NFIC: variants seen among roughly 807,000 people sequenced by gnomAD.
NFIC encodes the protein nuclear factor 1 C-type.
NFIC carries 12 observed loss-of-function variants against 54.4 expected under a neutral mutation model. That is an observed-to-expected ratio of 0.22 (90% CI 0.14 to 0.36). The LOEUF is 0.36. NFIC is among the 10% of genes least tolerant of loss of function. NFIC has a pLI of 1.00. For synonymous variants in NFIC, 322 were observed against 319.2 expected (o/e 1.01, Z -0.09); for missense variants, 575 against 718.2 (o/e 0.80, Z 2.28).
intron 2 of NFIC, among the ~76,000 whole-genome samples, chr19:3,394,528 C>CG (rs2081430619): frequency 1.4e-5 from 1 of 70,058 alleles, no homozygotes; most frequent in African/African-American, 5.7e-5. Context: ...CACCCACCCC[C>CG]CACCCGCTTA....
rs534358626 is a variant in NFIC, at chr19:3,399,549, C to G, written c.562+17306C>G. 5.3e-5 allele frequency among the ~76,000 whole-genome samples: 8 copies of G among 152,076 alleles called. No homozygotes were observed. In the South Asian group the frequency reaches 1.2e-3, roughly 24 times the overall value. On this transcript the variant is annotated intron_variant, in intron 2 of 10. Coordinates refer to ENST00000443272, the MANE Select transcript of NFIC (RefSeq NM_001245002.2). ...TGTGATTGGGCCACTGCACTCCAGC[C>G]TGGGTGACAGAGCAACACCCTGTCT...
Position 3,462,784 on chromosome 19 carries a change from C to T in NFIC, c.*15C>T, listed in dbSNP as rs1335087822. The T allele has an allele frequency of 4.3e-5, 69 of 1,613,794 alleles. No homozygotes were observed. Among genetic ancestry groups the T allele is most frequent in the Non-Finnish European group, 5.6e-5 (66 of 1,179,998 alleles). On this transcript the variant is annotated 3_prime_UTR_variant, in exon 11 of 11. Transcript: ENST00000443272. ...ATCTGGGATAGCAAAGGTCTTCTTCCCTCGCCCCTTCTCCATCGTCCCAGG... is the reference window on the plus strand; with the variant it reads ...ATCTGGGATAGCAAAGGTCTTCTTCTCTCGCCCCTTCTCCATCGTCCCAGG...
At chr19:3,363,255 A>AGCG, upstream of NFIC, among the ~76,000 whole-genome samples, 1 of 13,360 alleles carries the variant, frequency 7.5e-5, no homozygotes, top group Non-Finnish European at 1.4e-4. Context: ...ATATATATAT[A>AGCG]TATATATATA....
intron 10 of NFIC, 70 bp from the exon 11 acceptor site, chr19:3,462,682 G>T: frequency 6.5e-7 from 1 of 1,546,200 alleles, no homozygotes. Context: ...CATGTCTGCA[G>T]CAGAGTCTGA....
At chr19:3,406,354 A>G (rs1219877072) in intron 2 of NFIC, among the ~76,000 whole-genome samples, 4 of 125,564 alleles carry the variant, frequency 3.2e-5, no homozygotes, top group African/African-American at 1.2e-4. Context: ...TTGGCCTCCC[A>G]TAGTGCTGGG....
At chr19:3,367,477 TCCCCCTC>T (rs1568395858) in intron 1 of NFIC, among the ~76,000 whole-genome samples, 1 of 81,982 alleles carries the variant, frequency 1.2e-5, no homozygotes, top group Non-Finnish European at 3.8e-5. Context: ...CCCCGTCCCC[TCCCCCTC>T]CCCCTCCCCC....
Position 3,435,200 on chromosome 19 carries a change from G to A in NFIC, c.951G>A (p.Met317Ile). 1 of 1,600,974 alleles carries A rather than the reference G, an allele frequency of 6.2e-7. No individual in the cohort carries two copies. Among genetic ancestry groups the A allele is most frequent in the Non-Finnish European group, 8.5e-7 (1 of 1,172,946 alleles). ...GCAGCCGCAACTGGACGGAGGACAT[G>A]GAAGGAGGTAGGGCTGGTGGCGGGG... The part of the protein sequence containing the change: ...TSSSRNWTED[M>I]EGGISSPVKK... Residue 317 changes from methionine to isoleucine, a missense_variant, in exon 6 of 11, where the codon ATG becomes ATA. Met to Ile is a conservative substitution (Grantham distance 10). Transcript: ENST00000443272.
At chr19:3,420,684 A>G (rs1223771541) in intron 2 of NFIC, among the ~76,000 whole-genome samples, 1 of 151,920 alleles carries the variant, frequency 6.6e-6, no homozygotes, top group African/African-American at 2.4e-5. Flanking sequence ...AGCACTCACT[A>G]TGGCAGCCAT....
chr19:3,443,410 G>A (rs1176876726), intron 6 of NFIC, among the ~76,000 whole-genome samples: 2 of 151,230 alleles, frequency 1.3e-5, no homozygotes, highest in Admixed American at 1.3e-4. Context: ...GCAACAGCGT[G>A]AGACCCTATC....
Position 3,463,296 on chromosome 19 carries a change from G to T in NFIC, c.*527G>T. The T allele has an allele frequency of 1.0e-6, 1 of 988,814 alleles. No individual in the cohort carries two copies. Among genetic ancestry groups the T allele is most frequent in the Non-Finnish European group, 1.2e-6 (1 of 832,570 alleles). 61.3% of individuals were successfully genotyped at this position (988,814 alleles called of 1,614,324 possible). On this transcript the variant is annotated 3_prime_UTR_variant, in exon 11 of 11. Coordinates refer to ENST00000443272, the MANE Select transcript of NFIC (RefSeq NM_001245002.2). ...GGCCCCCGCGCCTCTGCCGGACACG[G>T]ACCGGCCCCTCAGCCCCCACCGAGG...
chr19:3,450,003 C>T (rs2082434738), intron 7 of NFIC, among the ~76,000 whole-genome samples: 1 of 150,660 alleles, frequency 6.6e-6, no homozygotes, highest in Admixed American at 6.6e-5. Flanking sequence ...TGCGGTGAGG[C>T]GAGTTCACGC....
intron 2 of NFIC, among the ~76,000 whole-genome samples, chr19:3,403,879 T>C (rs1182786220): frequency 1.4e-5 from 2 of 144,648 alleles, no homozygotes; most frequent in Admixed American, 6.9e-5. Context: ...TGGCAGAGAG[T>C]GTCCTCGGGC....
rs754404318 is a variant in NFIC, at chr19:3,429,134, T to TACACACACAC, written c.634+3958_634+3959insCACACACACA. Among the ~76,000 whole-genome samples, 511 of 67,184 alleles carry TACACACACAC rather than the reference T, an allele frequency of 7.6e-3. 37 individuals carry two copies. Among genetic ancestry groups the TACACACACAC allele is most frequent in the East Asian group, 0.038 (96 of 2,524 alleles). The allele number at this position is 67,184 out of a possible 152,430, so 44.1% of individuals were successfully genotyped here. A position where few individuals can be genotyped will look rare whatever the true frequency, so the allele number is the denominator to read the frequency against. On this transcript the variant is annotated intron_variant, in intron 3 of 10. Coordinates refer to ENST00000443272, the MANE Select transcript of NFIC (RefSeq NM_001245002.2). The stretch of plus-strand genomic sequence containing the variant: ...ACCCTATCTCTACCCAAAAAAAAAA[T>TACACACACAC]ATACACACACACACACACACACACA...
chr19:3,438,230 C>T (rs565129889), intron 6 of NFIC, among the ~76,000 whole-genome samples: 13 of 152,136 alleles, frequency 8.5e-5, no homozygotes, highest in East Asian at 1.9e-4. Flanking sequence ...CTTTTCTGCC[C>T]GGCTGCTCAC....
At chr19:3,379,953 A>G (rs2081173480) in intron 1 of NFIC, among the ~76,000 whole-genome samples, 1 of 151,898 alleles carries the variant, frequency 6.6e-6, no homozygotes, top group Non-Finnish European at 1.5e-5. Flanking sequence ...AAGTGCTGGG[A>G]TTACAGGTGT....
At chr19:3,437,261 A>AG (rs1245929500) in intron 6 of NFIC, among the ~76,000 whole-genome samples, 1 of 151,960 alleles carries the variant, frequency 6.6e-6, no homozygotes. Context: ...CCAGCTACTC[A>AG]GGAGGCTGAG....
intron 1 of NFIC, among the ~76,000 whole-genome samples, chr19:3,374,657 A>G (rs10413027): frequency 0.38 from 58,473 of 151,962 alleles, 12,591 homozygotes; most frequent in East Asian, 0.76. Flanking sequence ...AGGGGACACT[A>G]GAGATAGGGC....
intron 1 of NFIC, among the ~76,000 whole-genome samples, chr19:3,377,202 C>T (rs968381607): frequency 1.3e-5 from 2 of 151,184 alleles, no homozygotes; most frequent in African/African-American, 4.9e-5. Flanking sequence ...GGCATGGTGG[C>T]GGGTGCCTGT....
rs183310877 is a variant in NFIC at position 3,393,325 on chromosome 19, C to T, written c.562+11082C>T. On this transcript the variant is annotated intron_variant, in intron 2 of 10. Coordinates refer to ENST00000443272, the MANE Select transcript of NFIC (RefSeq NM_001245002.2). ...TAGGGTCTCAGGGCAGAAGATCTGC[C>T]GGAGGAGAGGGAGAAGGGGGTTCTG... is the stretch of plus-strand genomic sequence containing the variant. Among the ~76,000 whole-genome samples, 1,383 of 152,152 alleles carry T rather than the reference C, an allele frequency of 9.1e-3. 61 individuals are homozygous for T. Among genetic ancestry groups the T allele is most frequent in the Admixed American group, 0.084 (1,286 of 15,258 alleles).
Sources: allele counts gnomAD v4.1 joint callset (sites outside exome capture counted in the v4.1 genomes callset), GRCh38; gene constraint gnomAD v4.1.1; transcripts MANE v1.5; gene names NCBI Gene and HGNC (gene_info 2026-07-23, HGNC 2026-07-21).